Variants in SLIT3 observed in about 807,000 individuals in gnomAD.
SLIT3 encodes the protein slit guidance ligand 3, also known as slit homolog 3 protein.
A neutral mutation model predicts 184.0 loss-of-function variants in SLIT3; 68 were observed. The ratio of observed to expected loss-of-function variants is 0.37; its 90% CI spans 0.30 to 0.45. SLIT3 has a LOEUF of 0.45. Ranked by LOEUF, SLIT3 falls within the 20% of genes least tolerant of loss-of-function variation. The pLI is 1.00. For missense variants in SLIT3, 1,707 were observed against 2,026.0 expected (o/e 0.84, Z 3.02); for synonymous variants, 831 against 828.6 (o/e 1.00, Z -0.05).
intron 4 of SLIT3, chr5:169,022,195 C>A (rs2278389): frequency 0.16 from 24,098 of 152,166 alleles, 2,312 homozygotes; most frequent in East Asian, 0.5. Context: ...AGACAGCCTT[C>A]GAGAGTCTCC....
chr5:169,258,381 C>A (rs1401696336), intron 1 of SLIT3, among the ~76,000 whole-genome samples: 1 of 152,192 alleles, frequency 6.6e-6, no homozygotes, highest in Non-Finnish European at 1.5e-5. Context: ...CCCTTAGTAA[C>A]TTTGCTTCCC....
intron 4 of SLIT3, among the ~76,000 whole-genome samples, chr5:168,990,661 G>A (rs1180268346): frequency 1.3e-5 from 2 of 152,146 alleles, no homozygotes; most frequent in Non-Finnish European, 2.9e-5. Context: ...TCAGCCAGGG[G>A]TCTTCAAACT....
At chr5:169,285,219 G>C (rs1242787244) in intron 1 of SLIT3, among the ~76,000 whole-genome samples, 1 of 152,158 alleles carries the variant, frequency 6.6e-6, no homozygotes, top group Non-Finnish European at 1.5e-5. Flanking sequence ...ACCTGGGCCT[G>C]AATACAGATT....
At chr5:169,245,183 A>G (rs1765544384) in intron 2 of SLIT3, among the ~76,000 whole-genome samples, 1 of 152,090 alleles carries the variant, frequency 6.6e-6, no homozygotes, top group Non-Finnish European at 1.5e-5. Context: ...TTCCCAGCTC[A>G]CCCTAGTAGA....
chr5:169,071,115 T>C (rs1758530123), intron 4 of SLIT3, among the ~76,000 whole-genome samples: 1 of 152,206 alleles, frequency 6.6e-6, no homozygotes, highest in Non-Finnish European at 1.5e-5. Flanking sequence ...TAAGAGGCTA[T>C]ATGCCCTGAG....
At chr5:169,166,022 T>A (rs1301883534) in intron 4 of SLIT3, among the ~76,000 whole-genome samples, 3 of 152,134 alleles carry the variant, frequency 2.0e-5, no homozygotes, top group Admixed American at 6.5e-5. Flanking sequence ...ATCTTACACA[T>A]AAAGAAACAG....
chr5:168,906,071 C>T (rs537550499), intron 4 of SLIT3, among the ~76,000 whole-genome samples: 1 of 152,210 alleles, frequency 6.6e-6, no homozygotes, highest in South Asian at 2.1e-4. Context: ...ATGGAGTCTG[C>T]AAAATAGGGT....
In SLIT3 at chr5:168,712,098, A is replaced by C. The variant is rs569414719; in HGVS notation, c.2555+185T>G. On this transcript the variant is annotated intron_variant, in intron 24 of 35. Transcript: ENST00000519560. ...ATTTACAGTGTTTACATAATTGAGG[A>C]TTCCTTTGAAGGCTTCTGAGGTGGG... Among the ~76,000 whole-genome samples, 4 of 152,326 alleles carry C rather than the reference A, an allele frequency of 2.6e-5. No homozygotes were observed. In the South Asian group the frequency reaches 8.3e-4, roughly 32 times the overall value.
chr5:168,891,276 G>C (rs963894089), intron 4 of SLIT3, among the ~76,000 whole-genome samples: 2 of 152,196 alleles, frequency 1.3e-5, no homozygotes, highest in Non-Finnish European at 2.9e-5. Context: ...AGAGGCACAG[G>C]AGAAGGCTGA....
At chr5:168,785,532 C>G (rs1018502785) in intron 12 of SLIT3, among the ~76,000 whole-genome samples, 9 of 152,358 alleles carry the variant, frequency 5.9e-5, no homozygotes, top group African/African-American at 1.9e-4. Flanking sequence ...AGCTTTAGTA[C>G]TGGAATTTGG....
intron 3 of SLIT3, among the ~76,000 whole-genome samples, chr5:169,229,994 C>G (rs1300856009): frequency 6.6e-6 from 1 of 152,166 alleles, no homozygotes; most frequent in Non-Finnish European, 1.5e-5. Flanking sequence ...GCTCTTCCTT[C>G]GGTCTCACAG....
intron 4 of SLIT3, among the ~76,000 whole-genome samples, chr5:169,082,831 A>C (rs1759125635): frequency 6.6e-6 from 1 of 152,174 alleles, no homozygotes; most frequent in Non-Finnish European, 1.5e-5. Context: ...ACTGTATGCA[A>C]CTTCATACCC....
intron 4 of SLIT3, among the ~76,000 whole-genome samples, chr5:169,039,190 C>A (rs905670652): frequency 1.1e-4 from 16 of 152,012 alleles, no homozygotes; most frequent in Non-Finnish European, 1.5e-5. Flanking sequence ...ACCAAGATAA[C>A]CACAAAGAAA....
chr5:169,045,400 A>C (rs1435456121), intron 4 of SLIT3, among the ~76,000 whole-genome samples: 4 of 151,508 alleles, frequency 2.6e-5, no homozygotes, highest in African/African-American at 9.7e-5. Flanking sequence ...GTTACTTCAA[A>C]GACTTCTTCC....
At chr5:169,123,750 T>C (rs185153645) in intron 4 of SLIT3, among the ~76,000 whole-genome samples, 12 of 152,268 alleles carry the variant, frequency 7.9e-5, no homozygotes, top group African/African-American at 2.9e-4. Context: ...ATCAAAGCAA[T>C]GGCTACCAAG....
intron 25 of SLIT3, among the ~76,000 whole-genome samples, chr5:168,709,124 A>C: frequency 7.1e-6 from 1 of 141,636 alleles, no homozygotes; most frequent in African/African-American, 2.6e-5. Context: ...TTTGAGATGG[A>C]GTCTCACTCT....
intron 2 of SLIT3, among the ~76,000 whole-genome samples, chr5:169,246,855 G>C (rs1416743190): frequency 1.4e-5 from 2 of 144,954 alleles, no homozygotes; most frequent in East Asian, 4.3e-4. Flanking sequence ...GGAGGCAGAG[G>C]TTGCAGTGAG....
intron 4 of SLIT3, among the ~76,000 whole-genome samples, chr5:168,915,799 C>T (rs1259239051): frequency 1.3e-5 from 2 of 151,970 alleles, no homozygotes; most frequent in African/African-American, 2.4e-5. Context: ...CAAAAAGAGG[C>T]CTAACAAGTA....
chr5:168,870,165 G>A (rs1451309557), intron 5 of SLIT3, among the ~76,000 whole-genome samples: 1 of 152,248 alleles, frequency 6.6e-6, no homozygotes, highest in East Asian at 1.9e-4. Context: ...CTCTGCACAA[G>A]CAACTTATTT....
Sources: allele counts gnomAD v4.1 joint callset (sites outside exome capture counted in the v4.1 genomes callset), GRCh38; gene constraint gnomAD v4.1.1; transcripts MANE v1.5; gene names NCBI Gene and HGNC (gene_info 2026-07-23, HGNC 2026-07-21).